Variants in GUSB observed in about 807,000 individuals in gnomAD.
GUSB encodes the protein glucuronidase beta, also known as beta-glucuronidase.
In GUSB, 51 loss-of-function variants were observed where a neutral mutation model predicts 74.6. The ratio of observed to expected loss-of-function variants is 0.68; its 90% CI spans 0.55 to 0.86. GUSB has a LOEUF of 0.86. Among genes scored for constraint, GUSB ranks in the 40% least tolerant of loss-of-function variants. The pLI is 0.00. For synonymous variants in GUSB, 360 were observed against 348.3 expected (o/e 1.03, Z -0.37); for missense variants, 736 against 853.7 (o/e 0.86, Z 1.72).
intron 8 of GUSB, among the ~76,000 whole-genome samples, 164 bp from the exon 9 acceptor site, chr7:65,970,530 T>G (rs1364208141): frequency 1.3e-5 from 2 of 151,892 alleles, no homozygotes; most frequent in African/African-American, 4.8e-5. Flanking sequence ...GGTGGGTGGA[T>G]CACTTGAGGT....
chr7:65,975,456 C>T, intron 5 of GUSB: 1 of 305,934 alleles, frequency 3.3e-6, no homozygotes, highest in Admixed American at 4.6e-5. Context: ...GTGATCTCAG[C>T]TCACTGCAGC....
intron 1 of GUSB, chr7:65,980,928 G>A (rs778345923): frequency 1.0e-4 from 21 of 205,706 alleles, no homozygotes; most frequent in Non-Finnish European, 1.9e-4. Flanking sequence ...AAGTCAGGAG[G>A]GGAACAGGGG....
intron 8 of GUSB, among the ~76,000 whole-genome samples, chr7:65,971,469 C>G (rs1226793416): frequency 6.6e-6 from 1 of 152,124 alleles, no homozygotes; most frequent in African/African-American, 2.4e-5. Flanking sequence ...TGGCTCACGC[C>G]TGTAATCCCA....
intron 4 of GUSB, among the ~76,000 whole-genome samples, chr7:65,977,269 CG>C (rs1240165969): frequency 1.2e-4 from 19 of 152,038 alleles, no homozygotes; most frequent in Non-Finnish European, 2.6e-4. Context: ...CTCCACCTCC[CG>C]GGTTCAAACA....
rs745342555 is a variant in GUSB, at chr7:65,979,548, T to G, written c.582-7A>C. 6.2e-7 allele frequency: 1 copy of G among 1,614,112 alleles called. No homozygotes were observed. The highest frequency in any genetic ancestry group is 2.2e-5 in the East Asian group (1 of 44,880). ...AAAGTAACCCTTGGGATACCTAGGA[T>G]GGGAGGACTGTGGTTTGCTGGGCCC... On this transcript the variant is annotated splice_region_variant and splice_polypyrimidine_tract_variant and intron_variant, in intron 3 of 11. Coordinates refer to ENST00000304895, the MANE Select transcript of GUSB (RefSeq NM_000181.4).
At chr7:65,967,974 C>A in intron 9 of GUSB, 67 bp from the exon 10 acceptor site, 1 of 1,320,552 alleles carries the variant, frequency 7.6e-7, no homozygotes, top group South Asian at 1.2e-5. Context: ...TCACACACTG[C>A]GGGGGCTCCT....
intron 10 of GUSB, among the ~76,000 whole-genome samples, chr7:65,967,463 C>A (rs1210780467): frequency 6.6e-6 from 1 of 152,088 alleles, no homozygotes; most frequent in Admixed American, 6.6e-5. Flanking sequence ...AAAACAAATA[C>A]AAATTTGGAT....
At chr7:65,964,019 G>A (rs533141692) in intron 11 of GUSB, 8 of 422,292 alleles carry the variant, frequency 1.9e-5, no homozygotes, top group East Asian at 1.6e-4. Context: ...ATGAGGTCCC[G>A]TTTTTCGTTC....
At position 65,982,188 on chromosome 7, in the gene GUSB, C is replaced by A; in HGVS notation, c.-5G>T. 1 of 1,504,182 alleles carries A rather than the reference C, an allele frequency of 6.6e-7. No individual in the cohort carries two copies. The allele number at this position is 1,504,182 out of a possible 1,614,324, so 93.2% of individuals were successfully genotyped here. On this transcript the variant is annotated 5_prime_UTR_variant, in exon 1 of 12. Transcript: ENST00000304895. ...AACCGCCGACCCCCGGGCCATGCTTCCCGGTCCCCCGCTCGGCCACCGTCT... is the reference window on the plus strand; with the variant it reads ...AACCGCCGACCCCCGGGCCATGCTTACCGGTCCCCCGCTCGGCCACCGTCT...
chr7:65,976,120 G>A lies in GUSB; in HGVS notation c.807C>T (p.Val269=), dbSNP rs571704452. The A allele has an allele frequency of 3.6e-5, 58 of 1,613,572 alleles. No individual in the cohort carries two copies. The highest frequency in any genetic ancestry group is 2.5e-4 in the Admixed American group (15 of 59,958). The part of the protein sequence containing the change: ...EVRLLDAENK[V]VANGTGTQGQ... The stretch of plus-strand genomic sequence containing the variant: ...CCTGGGTCCCAGTCCCATTCGCCAC[G>A]ACTTTGTTTTCTGCATCCAAAAGAC... The change falls in exon 5 of 12, where the codon GTC becomes GTT. Residue 269 remains valine, a synonymous_variant. Transcript: ENST00000304895.
At chr7:65,961,141 G>C in intron 11 of GUSB, 78 bp from the exon 12 acceptor site, 2 of 1,341,614 alleles carry the variant, frequency 1.5e-6, no homozygotes, top group Non-Finnish European at 2.1e-6. Flanking sequence ...TGGAGCTAAG[G>C]TAGGCACTAA....
At chr7:65,966,575 G>A (rs933078433) in intron 10 of GUSB, among the ~76,000 whole-genome samples, 5 of 152,038 alleles carry the variant, frequency 3.3e-5, no homozygotes, top group African/African-American at 4.8e-5. Flanking sequence ...GGACAATCAC[G>A]TAAGGCCAGG....
At chr7:65,966,893 A>C (rs1790873785) in intron 10 of GUSB, among the ~76,000 whole-genome samples, 1 of 152,120 alleles carries the variant, frequency 6.6e-6, no homozygotes, top group Admixed American at 6.6e-5. Flanking sequence ...ACCAGCCTGG[A>C]CAACATAGCA....
At position 65,964,326 on chromosome 7, in the gene GUSB, G is replaced by C; in HGVS notation, c.1786C>G (p.Gln596Glu). 2 of 1,611,542 alleles carry C rather than the reference G, an allele frequency of 1.2e-6. No homozygotes were observed. Among genetic ancestry groups the C allele is most frequent in the Non-Finnish European group, 1.7e-6 (2 of 1,179,434 alleles). ...IWNFADFMTE[Q>E]SPTRVLGNKK... ...CATGAGCCAAACTGCCACTTACACTGTTCAGTCATGAAATCGGCAAAATTC... is the reference window on the plus strand; with the variant it reads ...CATGAGCCAAACTGCCACTTACACTCTTCAGTCATGAAATCGGCAAAATTC... The change falls in exon 11 of 12, where the codon CAG becomes GAG. Residue 596 changes from glutamine (Q) to glutamate (E), a missense_variant. Physicochemically the swap from Gln to Glu is conservative, Grantham distance 29. Transcript: ENST00000304895.
At chr7:65,962,566 TTTTTTC>T (rs1475071695) in intron 11 of GUSB, among the ~76,000 whole-genome samples, 9 of 152,136 alleles carry the variant, frequency 5.9e-5, no homozygotes, top group African/African-American at 1.9e-4. Flanking sequence ...AGCTCATTTC[TTTTTTC>T]TTTTTAAGAC....
At position 65,960,946 on chromosome 7, in the gene GUSB, G is replaced by A; in HGVS notation, c.1907C>T (p.Pro636Leu). 6.2e-7 allele frequency: 1 copy of A among 1,613,876 alleles called. No homozygotes were observed. The highest frequency in any genetic ancestry group is 8.5e-7 in the Non-Finnish European group (1 of 1,179,910). ...YWKIANETRYPHSVAKSQCLE... is the reference protein window; with the variant it reads ...YWKIANETRYLHSVAKSQCLE... ...ACATTGTGACTTGGCTACTGAGTGG[G>A]GATACCTGGTTTCATTGGCAATCTT... is the stretch of plus-strand genomic sequence containing the variant. Residue 636 changes from proline (P) to leucine (L), a missense_variant, in exon 12 of 12, where the codon CCC becomes CTC. Around this residue, in one of 2 missense-constraint regions of GUSB, gnomAD observed 368 missense variants for 489.9 expected, o/e 0.75. Coordinates refer to ENST00000304895, the MANE Select transcript of GUSB (RefSeq NM_000181.4).
chr7:65,975,068 G>C lies in GUSB; in HGVS notation c.916C>G (p.Gln306Glu), dbSNP rs1156563889. The stretch of plus-strand genomic sequence containing the variant: ...CCCAGTGACGTCTGTGCAGTCAGCT[G>C]CACCTATGACAGCCAAAGCACCAGG... ...RPAYLYSLEV[Q>E]LTAQTSLGPV... Residue 306 changes from glutamine (Q) to glutamate (E), a missense_variant, in exon 6 of 12, where the codon CAG (glutamine) becomes GAG (glutamate). Around this residue, in one of 2 missense-constraint regions of GUSB, gnomAD observed 368 missense variants for 489.9 expected, o/e 0.75. Transcript: ENST00000304895. 5 of 1,613,218 alleles carry C rather than the reference G, an allele frequency of 3.1e-6. No individual in the cohort carries two copies. In the East Asian group the frequency reaches 1.1e-4, roughly 36 times the overall value.
chr7:65,980,149 G>A (rs931797831), intron 2 of GUSB, 75 bp downstream of exon 2: 67 of 1,380,996 alleles, frequency 4.9e-5, no homozygotes, highest in African/African-American at 2.9e-5. Context: ...CATGCCGTGG[G>A]TGGCAGCTGG....
Position 65,979,495 on chromosome 7 carries a change from T to A in GUSB, c.628A>T (p.Asn210Tyr), listed in dbSNP as rs200457516. 1 of 1,614,002 alleles carries A rather than the reference T, an allele frequency of 6.2e-7. No individual in the cohort carries two copies. The highest frequency in any genetic ancestry group is 8.5e-7 in the Non-Finnish European group (1 of 1,179,936). ...ACAGACCGCTGCAGTCCAGCGTAGT[T>A]GAAAAAGTCAAAATATGTGTTCTGG... Reference protein sequence around the residue: ...FVQNTYFDFFNYAGLQRSVLL... With the variant: ...FVQNTYFDFFYYAGLQRSVLL... The change falls in exon 4 of 12, where the codon AAC (asparagine) becomes TAC (tyrosine). Residue 210 changes from asparagine to tyrosine, a missense_variant. Asn to Tyr is a moderately radical substitution (Grantham distance 143, BLOSUM62 -2). Transcript: ENST00000304895.
Sources: allele counts gnomAD v4.1 joint callset (sites outside exome capture counted in the v4.1 genomes callset), GRCh38; gene constraint gnomAD v4.1.1; regional missense constraint gnomAD v4.1.1; transcripts MANE v1.5; gene names NCBI Gene and HGNC (gene_info 2026-07-23, HGNC 2026-07-21).